Variants in PKHD1L1 observed in about 807,000 individuals in gnomAD.
PKHD1L1 encodes the protein fibrocystin-L.
A neutral mutation model predicts 462.9 loss-of-function variants in PKHD1L1; 434 were observed. The observed-to-expected ratio is 0.94, with a 90% CI of 0.87 to 1.02. The LOEUF is 1.02. PKHD1L1 is among the 50% of genes least tolerant of loss of function. The pLI is 0.00. For synonymous variants in PKHD1L1, 1,781 were observed against 1,750.0 expected, an observed-to-expected ratio of 1.02 and a Z score of -0.44; for missense variants, 5,202 against 5,096.1, an observed-to-expected ratio of 1.02 and a Z score of -0.63.
At position 109,508,271 on chromosome 8, in the gene PKHD1L1, A is replaced by T. The variant is rs963645544; in HGVS notation, c.11395+7A>T. On this transcript the variant is annotated splice_region_variant and intron_variant, in intron 70 of 77. Transcript: ENST00000378402. Reference sequence around the variant, plus strand: ...TATGTTGATCTTATTAATGGTAGGTATTCAATATGAGTAAACTACAATTAC... The same window carrying T: ...TATGTTGATCTTATTAATGGTAGGTTTTCAATATGAGTAAACTACAATTAC... 1 of 1,594,288 alleles carries T rather than the reference A, an allele frequency of 6.3e-7. No homozygotes were observed. Among genetic ancestry groups the T allele is most frequent in the African/African-American group, 1.4e-5 (1 of 74,036 alleles).
At chr8:109,500,669 GTC>G (rs1287485847) in intron 67 of PKHD1L1, among the ~76,000 whole-genome samples, 1 of 92,634 alleles carries the variant, frequency 1.1e-5, no homozygotes. Flanking sequence ...GTAAAACTCT[GTC>G]TCAAAAAAAA....
At chr8:109,429,513 C>G in intron 26 of PKHD1L1, 51 bp downstream of exon 26, 1 of 1,527,700 alleles carries the variant, frequency 6.5e-7, no homozygotes. Flanking sequence ...AATAGTATAA[C>G]TAGTTTGTAA....
Position 109,464,545 on chromosome 8 carries a change from A to G in PKHD1L1, c.7713A>G (p.Ile2571Met). 1 of 1,613,740 alleles carries G rather than the reference A, an allele frequency of 6.2e-7. No individual in the cohort carries two copies. The highest frequency in any genetic ancestry group is 8.5e-7 in the Non-Finnish European group (1 of 1,179,788). The change falls in exon 49 of 78, where the codon ATA becomes ATG. Residue 2571 changes from isoleucine (I) to methionine (M), a missense_variant. This residue lies in a region of PKHD1L1 where 4,497 missense variants were observed against 4,336.8 expected (regional missense o/e 1.04). Coordinates refer to ENST00000378402, the MANE Select transcript of PKHD1L1 (RefSeq NM_177531.6). ...GGGTCACCAACCCGAACAATACCATACGACACAATGCTGTTGCTGGTGGCA... is the reference window on the plus strand; with the variant it reads ...GGGTCACCAACCCGAACAATACCATGCGACACAATGCTGTTGCTGGTGGCA... ...AFWVTNPNNT[I>M]RHNAVAGGTH...
intron 62 of PKHD1L1, 132 bp downstream of exon 62, chr8:109,492,126 T>TA (rs59132364): frequency 0.49 from 249,356 of 512,664 alleles, 48,051 homozygotes; most frequent in South Asian, 0.64. Flanking sequence ...TGGCCATTGA[T>TA]TTTTTTTTTT....
rs367632228 is a variant in PKHD1L1, at chr8:109,454,271, T to C, written c.6744+25T>C. ...GGTATTCAAAAGAACATAATACATA[T>C]TCATTTCCAACCTGTCTCCATTCAT... On this transcript the variant is annotated intron_variant, in intron 44 of 77. Coordinates refer to ENST00000378402, the MANE Select transcript of PKHD1L1 (RefSeq NM_177531.6). 1.5e-5 allele frequency: 22 copies of C among 1,499,612 alleles called. 2 individuals are homozygous for C. The African/African-American group carries it at 1.8e-4, about 12-fold the overall frequency. 92.9% of individuals were successfully genotyped at this position (1,499,612 alleles called of 1,614,324 possible).
rs1307527466 is a variant in PKHD1L1, at chr8:109,444,668, T to C, written c.4799T>C (p.Ile1600Thr). Residue 1600 changes from isoleucine (I) to threonine (T), a missense_variant, in exon 38 of 78, where the codon ATT becomes ACT. Around this residue, in one of 3 missense-constraint regions of PKHD1L1, gnomAD observed 4,497 missense variants for 4,336.8 expected, o/e 1.04. Coordinates refer to ENST00000378402, the MANE Select transcript of PKHD1L1 (RefSeq NM_177531.6). ...SNLPWANKVT[I>T]GSYPCVVEES... ...TATTCATTTTACTTACAGGTTACAA[T>C]TGGTAGCTACCCCTGTGTCGTAGAA... 6.2e-6 allele frequency: 10 copies of C among 1,611,104 alleles called. No homozygotes were observed. The highest frequency in any genetic ancestry group is 8.5e-6 in the Non-Finnish European group (10 of 1,177,748).
rs199871093 is a variant in PKHD1L1, at chr8:109,409,451, GTTGGCCAGAATCCA to G, written c.1972-408_1972-395del. On this transcript the variant is annotated intron_variant, in intron 18 of 77. Coordinates refer to ENST00000378402, the MANE Select transcript of PKHD1L1 (RefSeq NM_177531.6). ...TTTAAAAGAGACAGGGTTTCACCAT[GTTGGCCAGAATCCA>G]TTGGCGTGTATAGTTTTTTTTTTCC... 6.5e-3 allele frequency among the ~76,000 whole-genome samples: 979 copies of G among 151,712 alleles called. 6 individuals are homozygous for G. Among genetic ancestry groups the G allele is most frequent in the Middle Eastern group, 0.051 (15 of 292 alleles).
chr8:109,438,420 A>T lies in PKHD1L1; in HGVS notation c.3724A>T (p.Ile1242Leu). ...FSYNCLQTPI[I>L]TDFSPKVRTI... ...TTATAATTGTTTACAGACACCAATT[A>T]TAACTGATTTTAGTCCAAAAGTACG... is the stretch of plus-strand genomic sequence containing the variant. The change falls in exon 31 of 78, where the codon ATA becomes TTA. Residue 1242 changes from isoleucine (I) to leucine (L), a missense_variant. Coordinates refer to ENST00000378402, the MANE Select transcript of PKHD1L1 (RefSeq NM_177531.6). The T allele has an allele frequency of 1.3e-6, 2 of 1,541,138 alleles. No homozygotes were observed. The highest frequency in any genetic ancestry group is 1.2e-5 in the South Asian group (1 of 81,758).
chr8:109,383,178 ATATATATAAT>A lies in PKHD1L1; in HGVS notation c.417+625_417+634del, dbSNP rs527998677. ...ATATTTATATATAATATATACAATA[ATATATATAAT>A]TATATATAATTATATATTATATAAT... is the stretch of plus-strand genomic sequence containing the variant. On this transcript the variant is annotated intron_variant, in intron 4 of 77. Transcript: ENST00000378402. Among the ~76,000 whole-genome samples the A allele has an allele frequency of 6.4e-3, 709 of 109,932 alleles. 4 individuals carry two copies. The highest frequency in any genetic ancestry group is 0.03 in the Middle Eastern group (7 of 230). 72.1% of individuals were successfully genotyped at this position (109,932 alleles called of 152,430 possible).
chr8:109,436,402 T>C lies in PKHD1L1; in HGVS notation c.3570T>C (p.Asn1190=). Residue 1190 remains asparagine (N), a synonymous_variant, in exon 30 of 78, where the codon AAT becomes AAC. Transcript: ENST00000378402. The stretch of plus-strand genomic sequence containing the variant: ...AAAATTCAAAGGTATTAGTTGGAAA[T>C]GAAACCTGCAATGTGATTGAAGGGG... ...FNENSKVLVG[N]ETCNVIEGDL... The C allele has an allele frequency of 6.2e-7, 1 of 1,613,546 alleles. No homozygotes were observed. The highest frequency in any genetic ancestry group is 8.5e-7 in the Non-Finnish European group (1 of 1,179,732).
chr8:109,527,143 C>A, intron 77 of PKHD1L1, 123 bp downstream of exon 77: 1 of 822,452 alleles, frequency 1.2e-6, no homozygotes, highest in Non-Finnish European at 1.9e-6. Context: ...AAAGTAACAG[C>A]CTCAATAGCA....
Position 109,445,507 on chromosome 8 carries a change from G to T in PKHD1L1, c.5638G>T (p.Val1880Phe). The change falls in exon 38 of 78, where the codon GTC becomes TTC. Residue 1880 changes from valine (V) to phenylalanine (F), a missense_variant. By Grantham distance (50) the Val-to-Phe change is conservative. Transcript: ENST00000378402. ...CQIISINPNE[V>F]YCRTPAGTTG... ...AATTATTTCCATCAACCCCAATGAA[G>T]TCTACTGCCGCACTCCCGCTGGGAC... 1 of 1,613,706 alleles carries T rather than the reference G, an allele frequency of 6.2e-7. No homozygotes were observed. The highest frequency in any genetic ancestry group is 8.5e-7 in the Non-Finnish European group (1 of 1,179,806).
In PKHD1L1 at chr8:109,464,225, G is replaced by T; in HGVS notation, c.7393G>T (p.Ala2465Ser). The T allele has an allele frequency of 6.3e-7, 1 of 1,591,750 alleles. No individual in the cohort carries two copies. The highest frequency in any genetic ancestry group is 2.3e-5 in the East Asian group (1 of 44,386). ...GRIEYVEVFHAGQAFRLGRYP... is the reference protein window; with the variant it reads ...GRIEYVEVFHSGQAFRLGRYP... ...TTTCTGGGCTTAACAGGTATTCCATGCTGGCCAGGCTTTCCGGTTGGGGCG... is the reference window on the plus strand; with the variant it reads ...TTTCTGGGCTTAACAGGTATTCCATTCTGGCCAGGCTTTCCGGTTGGGGCG... The change falls in exon 49 of 78, where the codon GCT becomes TCT. Residue 2465 changes from alanine to serine, a missense_variant. Ala to Ser is a moderately conservative substitution (Grantham distance 99, BLOSUM62 1). Transcript: ENST00000378402.
At chr8:109,512,583 G>C (rs1018059231) in intron 71 of PKHD1L1, among the ~76,000 whole-genome samples, 1 of 150,714 alleles carries the variant, frequency 6.6e-6, no homozygotes, top group Non-Finnish European at 1.5e-5. Flanking sequence ...GTACCATGCT[G>C]TTTTGGTTAC....
Position 109,398,468 on chromosome 8 carries a change from G to A in PKHD1L1, c.932G>A (p.Cys311Tyr), listed in dbSNP as rs755008080. The A allele has an allele frequency of 4.5e-6, 7 of 1,552,406 alleles. No homozygotes were observed. Among genetic ancestry groups the A allele is most frequent in the Admixed American group, 1.9e-5 (1 of 52,856 alleles). ...PVRVLVGGEP[C>Y]DILNVTENSI... The stretch of plus-strand genomic sequence containing the variant: ...TCTTGCTTCTCTATAGGTGAACCTT[G>A]TGATATTTTGAATGTCACAGAAAAT... Residue 311 changes from cysteine to tyrosine, a missense_variant, in exon 12 of 78, where the codon TGT becomes TAT. Coordinates refer to ENST00000378402, the MANE Select transcript of PKHD1L1 (RefSeq NM_177531.6).
At chr8:109,420,496 T>TATTTTTTATAAAATTATATAAATTTTA (rs1814404771) in intron 22 of PKHD1L1, 22 bp from the exon 23 acceptor site, 2 of 1,464,234 alleles carry the variant, frequency 1.4e-6, no homozygotes, top group South Asian at 2.8e-5. Flanking sequence ...ACCAACCTAA[T>TATTTTTTATAAAATTATATAAATTTTA]ATTTTTATTT....
intron 21 of PKHD1L1, among the ~76,000 whole-genome samples, chr8:109,416,586 G>C (rs1814183523): frequency 6.6e-6 from 1 of 152,164 alleles, no homozygotes; most frequent in African/African-American, 2.4e-5. Flanking sequence ...TCAATCCTAT[G>C]TATAAAATGG....
intron 63 of PKHD1L1, 109 bp from the exon 64 acceptor site, chr8:109,496,810 A>G: frequency 8.7e-7 from 1 of 1,146,018 alleles, no homozygotes; most frequent in Non-Finnish European, 1.2e-6. Flanking sequence ...TATCAGAATT[A>G]TGTATGTAAT....
In PKHD1L1 at chr8:109,443,062, A is replaced by G. The variant is rs776267454; in HGVS notation, c.4510A>G (p.Arg1504Gly). 3 of 1,613,642 alleles carry G rather than the reference A, an allele frequency of 1.9e-6. No individual in the cohort carries two copies. The African/African-American group carries it at 4.0e-5, about 22-fold the overall frequency. Reference protein sequence around the residue: ...GVINVLPAETRHIPLHLFVGR... With the variant: ...GVINVLPAETGHIPLHLFVGR... Reference sequence around the variant, plus strand: ...CATTAATGTTTTACCAGCTGAAACCAGACACATTCCCTTGCACCTGTTTGT... The same window carrying G: ...CATTAATGTTTTACCAGCTGAAACCGGACACATTCCCTTGCACCTGTTTGT... The change falls in exon 36 of 78, where the codon AGA (arginine) becomes GGA (glycine). Residue 1504 changes from arginine (R) to glycine (G), a missense_variant. Arg to Gly is a moderately radical substitution (Grantham distance 125, BLOSUM62 -2). Around this residue, in one of 3 missense-constraint regions of PKHD1L1, gnomAD observed 4,497 missense variants for 4,336.8 expected, o/e 1.04. Coordinates refer to ENST00000378402, the MANE Select transcript of PKHD1L1 (RefSeq NM_177531.6).
Sources: gnomAD v4.1 joint callset for allele counts (sites outside exome capture counted in the v4.1 genomes callset) on GRCh38, gnomAD v4.1.1 for gene constraint, gnomAD v4.1.1 regional missense constraint, MANE v1.5 for transcripts, NCBI Gene and HGNC (gene_info 2026-07-23, HGNC 2026-07-21) for gene names.